Variants in SLC30A9 observed in about 807,000 individuals in gnomAD.
SLC30A9 encodes the protein proton-coupled zinc antiporter SLC30A9, mitochondrial.
In SLC30A9, 58 loss-of-function variants were observed where a neutral mutation model predicts 87.5. The ratio of observed to expected loss-of-function variants is 0.66; its 90% CI spans 0.54 to 0.82. The LOEUF (loss-of-function observed/expected upper bound fraction) is 0.82, where lower values mean the gene tolerates loss of function less well. SLC30A9 is among the 40% of genes least tolerant of loss of function. The pLI is 0.00. For missense variants in SLC30A9, 557 were observed against 679.1 expected, an observed-to-expected ratio of 0.82 and a Z score of 2.00; for synonymous variants, 234 against 233.0, an observed-to-expected ratio of 1.00 and a Z score of -0.04.
chr4:42,059,729 C>A (rs952259500), intron 9 of SLC30A9, among the ~76,000 whole-genome samples: 1 of 148,960 alleles, frequency 6.7e-6, no homozygotes, highest in Admixed American at 6.9e-5. Flanking sequence ...TTCTTTTAAA[C>A]CTTTTCTGTG....
chr4:42,018,039 C>G, intron 2 of SLC30A9, 72 bp from the exon 3 acceptor site: 2 of 812,990 alleles, frequency 2.5e-6, no homozygotes, highest in South Asian at 1.5e-5. Flanking sequence ...ATTACATTGG[C>G]TAATATTAAT....
chr4:42,066,890 T>A (rs1718098500), intron 13 of SLC30A9, among the ~76,000 whole-genome samples, 195 bp from the exon 14 acceptor site: 1 of 152,256 alleles, frequency 6.6e-6, no homozygotes, highest in Admixed American at 6.5e-5. Flanking sequence ...TGACTTTATG[T>A]ATCAGTTATT....
At chr4:42,086,003 G>A in intron 17 of SLC30A9, 79 bp from the exon 18 acceptor site, 1 of 210,632 alleles carries the variant, frequency 4.7e-6, no homozygotes. Context: ...GTTTTCATTG[G>A]CTCTAATGAC....
At chr4:42,076,581 C>A (rs1432185028) in intron 16 of SLC30A9, among the ~76,000 whole-genome samples, 1 of 152,026 alleles carries the variant, frequency 6.6e-6, no homozygotes, top group East Asian at 1.9e-4. Flanking sequence ...AGTCAGTTTA[C>A]CTTCATTGTT....
intron 9 of SLC30A9, among the ~76,000 whole-genome samples, chr4:42,057,874 C>T (rs546821893): frequency 3.3e-5 from 5 of 152,138 alleles, no homozygotes; most frequent in South Asian, 2.1e-4. Context: ...GAGGCTGAGG[C>T]GGGCGGATCA....
At chr4:42,082,329 A>G (rs1353260529) in intron 17 of SLC30A9, among the ~76,000 whole-genome samples, 1 of 152,366 alleles carries the variant, frequency 6.6e-6, no homozygotes, top group African/African-American at 2.4e-5. Flanking sequence ...GAATGCATGA[A>G]TGTAATTGTT....
intron 6 of SLC30A9, among the ~76,000 whole-genome samples, chr4:42,034,502 C>T (rs1050146000): frequency 6.6e-6 from 1 of 151,910 alleles, no homozygotes; most frequent in Non-Finnish European, 1.5e-5. Context: ...TTAGATACCT[C>T]ATATAAGTGG....
At chr4:42,019,727 T>C (rs973109554) in intron 3 of SLC30A9, among the ~76,000 whole-genome samples, 1 of 152,220 alleles carries the variant, frequency 6.6e-6, no homozygotes, top group Non-Finnish European at 1.5e-5. Context: ...ATTTCTACTT[T>C]GTATGAAATG....
At chr4:42,012,334 G>T (rs958182400) in intron 2 of SLC30A9, among the ~76,000 whole-genome samples, 17 of 152,102 alleles carry the variant, frequency 1.1e-4, no homozygotes, top group African/African-American at 4.1e-4. Context: ...TAATATCCAG[G>T]AAAGAGTAAG....
Position 42,018,119 on chromosome 4 carries a change from A to G in SLC30A9, c.283A>G (p.Ile95Val). 1.3e-6 allele frequency: 2 copies of G among 1,537,084 alleles called. No individual in the cohort carries two copies. Among genetic ancestry groups the G allele is most frequent in the South Asian group, 1.1e-5 (1 of 88,110 alleles). ...KVPSFETAEG[I>V]GTELKAPLKQ... Reference sequence around the variant, plus strand: ...TTTAATAAACTTTACAGCAGAAGGTATAGGCACAGAACTCAAAGCTCCACT... The same window carrying G: ...TTTAATAAACTTTACAGCAGAAGGTGTAGGCACAGAACTCAAAGCTCCACT... The change falls in exon 3 of 18, where the codon ATA becomes GTA. Residue 95 changes from isoleucine (I) to valine (V), a missense_variant. Transcript: ENST00000264451.
intron 2 of SLC30A9, among the ~76,000 whole-genome samples, chr4:42,015,565 C>G (rs1426003098): frequency 6.6e-6 from 1 of 152,106 alleles, no homozygotes; most frequent in East Asian, 1.9e-4. Flanking sequence ...GACTTATATT[C>G]TGGATCCCCT....
chr4:42,071,114 TAG>T (rs1366953635), intron 15 of SLC30A9, among the ~76,000 whole-genome samples: 1 of 152,228 alleles, frequency 6.6e-6, no homozygotes, highest in African/African-American at 2.4e-5. Flanking sequence ...ACTTTGAAAA[TAG>T]ACTTTGTTTT....
intron 9 of SLC30A9, among the ~76,000 whole-genome samples, chr4:42,059,396 A>G (rs1329072563): frequency 2.0e-5 from 3 of 152,206 alleles, no homozygotes; most frequent in African/African-American, 7.2e-5. Context: ...GTTCCAGTGG[A>G]TAACTCTTTA....
chr4:42,075,602 A>G, intron 15 of SLC30A9, 55 bp from the exon 16 acceptor site: 5 of 1,464,264 alleles, frequency 3.4e-6, no homozygotes, highest in Non-Finnish European at 4.8e-6. Flanking sequence ...CTATTAAAGT[A>G]TATATATGTG....
At position 42,089,170 on chromosome 4, in the gene SLC30A9, T is replaced by A. The variant is rs1196748186; in HGVS notation, c.*3044T>A. ...CAAGGGTCCATGATTGATTCCTTCT[T>A]GCCCAAAACTAAAATCTAGGATTTA... is the stretch of plus-strand genomic sequence containing the variant. On this transcript the variant is annotated 3_prime_UTR_variant, in exon 18 of 18. Transcript: ENST00000264451. 2.6e-5 allele frequency: 4 copies of A among 152,186 alleles called. No homozygotes were observed. Among genetic ancestry groups the A allele is most frequent in the African/African-American group, 9.6e-5 (4 of 41,462 alleles). The allele number at this position is 152,186 out of a possible 1,614,324, so 9.4% of individuals were successfully genotyped here. A position where few individuals can be genotyped will look rare whatever the true frequency, so the allele number is the denominator to read the frequency against.
chr4:42,070,634 T>G lies in SLC30A9; in HGVS notation c.1361T>G (p.Ile454Ser), dbSNP rs773540500. 3 of 1,614,046 alleles carry G rather than the reference T, an allele frequency of 1.9e-6. No homozygotes were observed. Among genetic ancestry groups the G allele is most frequent in the Non-Finnish European group, 2.5e-6 (3 of 1,179,948 alleles). Residue 454 changes from isoleucine to serine, a missense_variant, in exon 15 of 18, where the codon ATC becomes AGC. By Grantham distance (142) the Ile-to-Ser change is moderately radical. Transcript: ENST00000264451. Reference protein sequence around the residue: ...TNTEALLGRSIQPEQVQRLTE... With the variant: ...TNTEALLGRSSQPEQVQRLTE... ...ACAGAAGCACTCTTAGGGCGGTCCA[T>G]CCAGCCAGAACAAGTACAACGGCTC...
intron 9 of SLC30A9, among the ~76,000 whole-genome samples, chr4:42,054,808 A>G (rs76289096): frequency 0.024 from 3,608 of 151,958 alleles, 148 homozygotes; most frequent in African/African-American, 0.082. Context: ...GCCAGGAATT[A>G]GTATCGATTT....
chr4:41,990,878 C>T, intron 1 of SLC30A9, 118 bp downstream of exon 1: 1 of 719,814 alleles, frequency 1.4e-6, no homozygotes, highest in Non-Finnish European at 2.3e-6. Flanking sequence ...CAGAACCTTC[C>T]TTTCTGGCCT....
In SLC30A9 at chr4:42,018,178, T is replaced by TGGCTCAAAGTAC; in HGVS notation, c.334+8_334+9insGGCTCAAAGTAC. Reference sequence around the variant, plus strand: ...AACCTCTCCAAGTAAGAGGTAAATATATTTTATCCTATTTTTGTATTATAA... The same window carrying TGGCTCAAAGTAC: ...AACCTCTCCAAGTAAGAGGTAAATATGGCTCAAAGTACATTTTATCCTATTTTTGTATTATAA... On this transcript the variant is annotated intron_variant, in intron 3 of 17. Transcript: ENST00000264451. 6.9e-7 allele frequency: 1 copy of TGGCTCAAAGTAC among 1,447,978 alleles called. No homozygotes were observed. The highest frequency in any genetic ancestry group is 9.6e-7 in the Non-Finnish European group (1 of 1,040,794). 89.7% of individuals were successfully genotyped at this position (1,447,978 alleles called of 1,614,324 possible). A position where few individuals can be genotyped will look rare whatever the true frequency, so the allele number is the denominator to read the frequency against.
Sources: allele counts gnomAD v4.1 joint callset (sites outside exome capture counted in the v4.1 genomes callset), GRCh38; gene constraint gnomAD v4.1.1; transcripts MANE v1.5; gene names NCBI Gene and HGNC (gene_info 2026-07-23, HGNC 2026-07-21).